GMDS: variants seen among roughly 807,000 people sequenced by gnomAD.
The protein encoded by GMDS is GDP-mannose 4,6 dehydratase.
Under a neutral mutation model 49.9 loss-of-function variants are expected in GMDS, and 20 were observed. The observed-to-expected ratio is 0.40, with a 90% CI of 0.28 to 0.58. GMDS has a LOEUF of 0.58. GMDS is among the 20% of genes least tolerant of loss of function. GMDS has a pLI of 0.42. For missense variants in GMDS, 362 were observed against 481.4 expected (o/e 0.75, Z 2.32); for synonymous variants, 177 against 178.6 (o/e 0.99, Z 0.07).
chr6:1,665,837 C>T (rs781448973), intron 9 of GMDS, among the ~76,000 whole-genome samples: 2 of 152,188 alleles, frequency 1.3e-5, no homozygotes, highest in Non-Finnish European at 2.9e-5. Flanking sequence ...CAAGGAAGCC[C>T]GCTGTGTGAA....
At chr6:1,850,018 C>T (rs1220424162) in intron 7 of GMDS, among the ~76,000 whole-genome samples, 2 of 152,182 alleles carry the variant, frequency 1.3e-5, no homozygotes, top group Non-Finnish European at 1.5e-5. Context: ...CTATTTGTTT[C>T]CCCATAAATG....
intron 9 of GMDS, among the ~76,000 whole-genome samples, chr6:1,669,293 T>C (rs1000145682): frequency 6.6e-6 from 1 of 152,146 alleles, no homozygotes; most frequent in African/African-American, 2.4e-5. Flanking sequence ...CAGCCAAGCA[T>C]GCACTTCAGA....
intron 6 of GMDS, among the ~76,000 whole-genome samples, chr6:1,953,205 C>T (rs1463008561): frequency 6.6e-6 from 1 of 152,196 alleles, no homozygotes; most frequent in Non-Finnish European, 1.5e-5. Flanking sequence ...AGGGCTTTCT[C>T]CTCCAGGACG....
intron 7 of GMDS, among the ~76,000 whole-genome samples, chr6:1,786,796 G>T (rs1769339369): frequency 1.6e-5 from 2 of 126,468 alleles, no homozygotes; most frequent in South Asian, 5.2e-4. Context: ...TCAGTAATTT[G>T]TGGTTTTTTT....
chr6:2,213,528 T>C (rs759637953), intron 1 of GMDS, among the ~76,000 whole-genome samples: 5 of 152,154 alleles, frequency 3.3e-5, no homozygotes, highest in Non-Finnish European at 5.9e-5. Flanking sequence ...GTCATAAAGG[T>C]ACACAAAACA....
At chr6:1,655,450 GTTT>G (rs1283166475) in intron 9 of GMDS, among the ~76,000 whole-genome samples, 1 of 147,724 alleles carries the variant, frequency 6.8e-6, no homozygotes, top group Non-Finnish European at 1.5e-5. Flanking sequence ...ATTTACATTA[GTTT>G]TTTTCCTTAC....
At chr6:1,714,479 C>A (rs1416767459) in intron 9 of GMDS, among the ~76,000 whole-genome samples, 1 of 151,980 alleles carries the variant, frequency 6.6e-6, no homozygotes, top group Non-Finnish European at 1.5e-5. Flanking sequence ...TTCCGGAAGA[C>A]CTTGGTTCCA....
intron 9 of GMDS, among the ~76,000 whole-genome samples, chr6:1,690,425 A>AT (rs1290425736): frequency 4.6e-5 from 7 of 152,244 alleles, no homozygotes; most frequent in African/African-American, 1.7e-4. Context: ...TCAAGTTTCA[A>AT]TTTTTTGCAT....
At chr6:2,153,456 C>A (rs977306148) in intron 1 of GMDS, among the ~76,000 whole-genome samples, 1 of 151,952 alleles carries the variant, frequency 6.6e-6, no homozygotes, top group Admixed American at 6.6e-5. Context: ...GAACTAATGT[C>A]CAAATAAACA....
At position 2,217,623 on chromosome 6, in the gene GMDS, G is replaced by A. The variant is rs544577876; in HGVS notation, c.102+27698C>T. Among the ~76,000 whole-genome samples the A allele has an allele frequency of 1.1e-4, 17 of 152,186 alleles. No homozygotes were observed. The South Asian group carries it at 1.4e-3, about 13-fold the overall frequency. ...TGCTGCAAATAGCTTATAAAGTGAT[G>A]GTATCTTCTGAAGATTAAACTTGCA... is the stretch of plus-strand genomic sequence containing the variant. On this transcript the variant is annotated intron_variant, in intron 1 of 10. Transcript: ENST00000380815.
chr6:1,902,964 T>A (rs1312253969), intron 7 of GMDS, among the ~76,000 whole-genome samples: 1 of 152,200 alleles, frequency 6.6e-6, no homozygotes, highest in Non-Finnish European at 1.5e-5. Context: ...ATAGGCTGTA[T>A]AATAGCAAGC....
intron 7 of GMDS, among the ~76,000 whole-genome samples, chr6:1,743,542 CAAAA>C (rs5873811): frequency 1.9e-4 from 22 of 117,260 alleles, no homozygotes; most frequent in African/African-American, 4.4e-4. Flanking sequence ...GACTCCATCT[CAAAA>C]AAAAAAAAAA....
At chr6:1,926,618 T>C (rs1394369947) in intron 7 of GMDS, among the ~76,000 whole-genome samples, 2 of 152,250 alleles carry the variant, frequency 1.3e-5, no homozygotes, top group East Asian at 3.8e-4. Context: ...TACCTCTCCT[T>C]TTTCATTTTT....
At chr6:1,724,763 C>CACA (rs1766511424) in intron 9 of GMDS, among the ~76,000 whole-genome samples, 1 of 152,204 alleles carries the variant, frequency 6.6e-6, no homozygotes, top group African/African-American at 2.4e-5. Flanking sequence ...GCTATGTCAG[C>CACA]ACAGCGTGGC....
rs72841960 is a variant in GMDS at position 1,886,638 on chromosome 6, C to T, written c.771+43465G>A. Among the ~76,000 whole-genome samples, 670 of 151,924 alleles carry T rather than the reference C, an allele frequency of 4.4e-3. 7 individuals carry two copies. The highest frequency in any genetic ancestry group is 0.021 in the Middle Eastern group (6 of 292). ...AATAATTACACTGATTTTTTTAAAT[C>T]AAGAATAAAAACAATATTTATCTTA... is the stretch of plus-strand genomic sequence containing the variant. On this transcript the variant is annotated intron_variant, in intron 7 of 10. Transcript: ENST00000380815.
intron 4 of GMDS, among the ~76,000 whole-genome samples, chr6:2,086,806 C>T (rs1308301468): frequency 2.6e-5 from 4 of 152,094 alleles, no homozygotes; most frequent in Non-Finnish European, 5.9e-5. Flanking sequence ...AGGGCTTTGA[C>T]GAAGAATGTT....
At chr6:1,682,470 T>C (rs9766727) in intron 9 of GMDS, among the ~76,000 whole-genome samples, 26,902 of 152,158 alleles carry the variant, frequency 0.18, 2,700 homozygotes, top group African/African-American at 0.28. Flanking sequence ...CCATTGCCAC[T>C]GGGAGGACCG....
intron 4 of GMDS, among the ~76,000 whole-genome samples, chr6:2,069,632 G>T (rs1463471451): frequency 6.6e-6 from 1 of 152,174 alleles, no homozygotes; most frequent in African/African-American, 2.4e-5. Context: ...CTTCTCAAAA[G>T]AAGACATTTA....
chr6:2,176,267 A>T (rs979269933), intron 1 of GMDS, among the ~76,000 whole-genome samples: 2 of 152,172 alleles, frequency 1.3e-5, no homozygotes, highest in Admixed American at 6.5e-5. Context: ...TTTTTCTTAA[A>T]AAAAATTTTT....
Sources: gnomAD v4.1 joint callset for allele counts (sites outside exome capture counted in the v4.1 genomes callset) on GRCh38, gnomAD v4.1.1 for gene constraint, MANE v1.5 for transcripts, NCBI Gene and HGNC (gene_info 2026-07-23, HGNC 2026-07-21) for gene names.